NTM: variants seen among roughly 807,000 people sequenced by gnomAD.
NTM encodes IgLON family member 2.
NTM carries 13 observed loss-of-function variants against 42.1 expected under a neutral mutation model. The ratio of observed to expected loss-of-function variants is 0.31; its 90% CI spans 0.20 to 0.49. The LOEUF (loss-of-function observed/expected upper bound fraction) is 0.49. NTM is among the 20% of genes least tolerant of loss of function. NTM has a pLI of 0.99. For synonymous variants in NTM, 187 were observed against 179.2 expected, an observed-to-expected ratio of 1.04 and a Z score of -0.35; for missense variants, 373 against 452.8, an observed-to-expected ratio of 0.82 and a Z score of 1.60.
In NTM at chr11:131,805,240, T is replaced by C. The variant is rs185137430; in HGVS notation, c.83-106324T>C. ...TTCCAACCTGACAGAAATTCTTTTC[T>C]TTACATGAGCATGTACTATGCTTCC... is the stretch of plus-strand genomic sequence containing the variant. On this transcript the variant is annotated intron_variant, in intron 1 of 8. Coordinates refer to ENST00000683400, the MANE Select transcript of NTM (RefSeq NM_001352005.2). Among the ~76,000 whole-genome samples the C allele has an allele frequency of 3.9e-3, 592 of 152,332 alleles. 3 individuals are homozygous for C. The highest frequency in any genetic ancestry group is 0.013 in the African/African-American group (554 of 41,572).
intron 1 of NTM, among the ~76,000 whole-genome samples, chr11:131,694,291 A>G (rs1324714757): frequency 1.3e-5 from 2 of 152,072 alleles, no homozygotes; most frequent in Non-Finnish European, 2.9e-5. Flanking sequence ...TGCAGCATCT[A>G]CTCTTCCTCT....
intron 1 of NTM, among the ~76,000 whole-genome samples, chr11:131,604,615 GATTTACCCAT>G (rs1167708668): frequency 6.8e-6 from 1 of 146,664 alleles, no homozygotes; most frequent in Non-Finnish European, 1.5e-5. Flanking sequence ...AGGTTGCAAA[GATTTACCCAT>G]ATATATTCTT....
At chr11:131,621,686 G>A (rs552394265) in intron 1 of NTM, among the ~76,000 whole-genome samples, 1 of 151,050 alleles carries the variant, frequency 6.6e-6, no homozygotes, top group South Asian at 2.1e-4. Context: ...GCTGAGCATG[G>A]TGGCCTGTGC....
At chr11:132,132,257 C>T (rs142934521) in intron 2 of NTM, among the ~76,000 whole-genome samples, 101 of 152,268 alleles carry the variant, frequency 6.6e-4, no homozygotes, top group African/African-American at 2.1e-3. Context: ...CCTCTCCTAA[C>T]GGCTTCCTTT....
intron 2 of NTM, among the ~76,000 whole-genome samples, chr11:132,142,895 A>G (rs1354997362): frequency 2.0e-5 from 3 of 152,136 alleles, no homozygotes; most frequent in Non-Finnish European, 4.4e-5. Flanking sequence ...CAATAATTAG[A>G]TGCTCACAAG....
intron 1 of NTM, among the ~76,000 whole-genome samples, chr11:131,730,145 G>T (rs1405889765): frequency 6.6e-6 from 1 of 152,052 alleles, no homozygotes; most frequent in Non-Finnish European, 1.5e-5. Context: ...GGTGTAAAGT[G>T]GTATCTCACT....
At chr11:131,657,176 G>T (rs1220628666) in intron 1 of NTM, among the ~76,000 whole-genome samples, 1 of 151,890 alleles carries the variant, frequency 6.6e-6, no homozygotes, top group Non-Finnish European at 1.5e-5. Flanking sequence ...ATCGAAATGG[G>T]TCAGGTGAGG....
chr11:132,037,809 A>G (rs572344483), intron 2 of NTM, among the ~76,000 whole-genome samples: 60 of 152,350 alleles, frequency 3.9e-4, no homozygotes, highest in Admixed American at 1.9e-3. Context: ...TAATTATAAC[A>G]TAGCTGCTAT....
At chr11:131,580,573 C>G (rs1235657825) in intron 1 of NTM, among the ~76,000 whole-genome samples, 2 of 152,156 alleles carry the variant, frequency 1.3e-5, no homozygotes, top group Non-Finnish European at 1.5e-5. Context: ...ACCCACAGAA[C>G]TGTCTCCTAT....
chr11:131,849,150 G>A (rs1331513270), intron 1 of NTM, among the ~76,000 whole-genome samples: 1 of 152,128 alleles, frequency 6.6e-6, no homozygotes, highest in Non-Finnish European at 1.5e-5. Flanking sequence ...TAAGAATGAA[G>A]GATTTAGAGG....
chr11:131,634,932 G>A (rs1476548168), intron 1 of NTM, among the ~76,000 whole-genome samples: 1 of 152,178 alleles, frequency 6.6e-6, no homozygotes. Context: ...TACAGAAGCT[G>A]CATATTCATT....
chr11:132,215,400 C>T (rs528837760), intron 4 of NTM, among the ~76,000 whole-genome samples: 25 of 151,830 alleles, frequency 1.6e-4, no homozygotes, highest in Non-Finnish European at 2.5e-4. Context: ...GTGCTGCTTG[C>T]GATAAACTTA....
At chr11:132,330,521 C>T (rs1592085275) in intron 8 of NTM, among the ~76,000 whole-genome samples, 1 of 152,328 alleles carries the variant, frequency 6.6e-6, no homozygotes, top group East Asian at 1.9e-4. Context: ...ATGCAGCGAT[C>T]TTCTCAGACC....
At chr11:131,474,846 G>A (rs1952772845) in intron 1 of NTM, among the ~76,000 whole-genome samples, 1 of 152,104 alleles carries the variant, frequency 6.6e-6, no homozygotes. Flanking sequence ...CCAAAGCAAT[G>A]TTTCCAAAAT....
chr11:132,055,669 G>A (rs1390430337), intron 2 of NTM, among the ~76,000 whole-genome samples: 1 of 101,722 alleles, frequency 9.8e-6, no homozygotes, highest in Non-Finnish European at 2.2e-5. Flanking sequence ...GAGAGCGAGA[G>A]TGAGAGAGAG....
chr11:132,319,988 T>C lies in NTM; in HGVS notation c.934+5285T>C, dbSNP rs187140143. 5.3e-3 allele frequency among the ~76,000 whole-genome samples: 810 copies of C among 152,292 alleles called. 6 individuals are homozygous for C. The highest frequency in any genetic ancestry group is 0.019 in the African/African-American group (779 of 41,588). ...TCCCCTGTTCTGCAGCCTCCGCTGCTGATACCCAGGCAAACAGGGTCTGGA... is the reference window on the plus strand; with the variant it reads ...TCCCCTGTTCTGCAGCCTCCGCTGCCGATACCCAGGCAAACAGGGTCTGGA... On this transcript the variant is annotated intron_variant, in intron 7 of 8. Transcript: ENST00000683400.
intron 4 of NTM, among the ~76,000 whole-genome samples, chr11:132,294,866 G>T (rs945636436): frequency 1.3e-5 from 2 of 152,116 alleles, no homozygotes; most frequent in African/African-American, 2.4e-5. Context: ...CAACCTAATT[G>T]ATGATGACAT....
rs975346083 is a variant in NTM at position 131,692,761 on chromosome 11, C to G, written c.83-218803C>G. Among the ~76,000 whole-genome samples the G allele has an allele frequency of 7.2e-5, 11 of 152,128 alleles. No homozygotes were observed. The East Asian group carries it at 2.1e-3, about 29-fold the overall frequency. On this transcript the variant is annotated intron_variant, in intron 1 of 8. Transcript: ENST00000683400. ...ACCCAAGAAACCAAATCACCCAAAC[C>G]TCTGTGTGACTCCTTCAGGGTTATA...
At chr11:131,824,382 C>T (rs1432512711) in intron 1 of NTM, among the ~76,000 whole-genome samples, 1 of 152,176 alleles carries the variant, frequency 6.6e-6, no homozygotes, top group Non-Finnish European at 1.5e-5. Flanking sequence ...GCTTTGGGAA[C>T]ATTAGGCTCA....
Sources: gnomAD v4.1 joint callset for allele counts (sites outside exome capture counted in the v4.1 genomes callset) on GRCh38, gnomAD v4.1.1 for gene constraint, MANE v1.5 for transcripts, NCBI Gene and HGNC (gene_info 2026-07-23, HGNC 2026-07-21) for gene names.